Variants in CPA5 observed in about 807,000 individuals in gnomAD.
CPA5 encodes carboxypeptidase A5.
CPA5 carries 38 observed loss-of-function variants against 52.2 expected under a neutral mutation model. The ratio of observed to expected loss-of-function variants is 0.73; its 90% CI spans 0.56 to 0.95. The LOEUF (loss-of-function observed/expected upper bound fraction) is 0.95, where lower values mean the gene tolerates loss of function less well. CPA5 is among the 40% of genes least tolerant of loss of function. The pLI, the probability that CPA5 is intolerant of heterozygous loss-of-function variation, is 0.00. For missense variants in CPA5, 519 were observed against 566.7 expected (o/e 0.92, Z 0.86); for synonymous variants, 198 against 213.7 (o/e 0.93, Z 0.64).
rs536495825 is a variant in CPA5 at position 130,361,113 on chromosome 7, T to C, written c.433-30T>C. 5 of 1,434,714 alleles carry C rather than the reference T, an allele frequency of 3.5e-6. No homozygotes were observed. In the African/African-American group the frequency reaches 7.0e-5, roughly 20 times the overall value. The allele number at this position is 1,434,714 out of a possible 1,614,324, so 88.9% of individuals were successfully genotyped here. On this transcript the variant is annotated intron_variant, in intron 6 of 12. Coordinates refer to ENST00000474905, the MANE Select transcript of CPA5 (RefSeq NM_080385.5). ...GTGTTCATCCCTCTTCCTGCTTAAC[T>C]GCCAATCTTACACACTTCTTTCCTT... is the stretch of plus-strand genomic sequence containing the variant.
At chr7:130,352,074 A>C (rs1795182066) in intron 5 of CPA5, among the ~76,000 whole-genome samples, 1 of 152,154 alleles carries the variant, frequency 6.6e-6, no homozygotes, top group African/African-American at 2.4e-5. Flanking sequence ...GACATTCATT[A>C]GGAGGAGGAA....
intron 3 of CPA5, 94 bp from the exon 4 acceptor site, chr7:130,347,672 C>A: frequency 9.4e-7 from 1 of 1,066,458 alleles, no homozygotes; most frequent in Non-Finnish European, 1.4e-6. Flanking sequence ...TGGCCCTCAG[C>A]TGGGCCTCTG....
chr7:130,346,710 G>T, intron 3 of CPA5, 109 bp downstream of exon 3: 1 of 851,082 alleles, frequency 1.2e-6, no homozygotes, highest in Non-Finnish European at 1.9e-6. Context: ...GGAGAGTCAG[G>T]ATGTGGGTTC....
intron 5 of CPA5, among the ~76,000 whole-genome samples, chr7:130,356,254 C>CTTA (rs1795469892): frequency 6.6e-6 from 1 of 152,190 alleles, no homozygotes; most frequent in Non-Finnish European, 1.5e-5. Flanking sequence ...CTGCCCAACC[C>CTTA]GGGAGGACTG....
chr7:130,355,419 G>A (rs1795419851), intron 5 of CPA5, among the ~76,000 whole-genome samples: 1 of 152,054 alleles, frequency 6.6e-6, no homozygotes, highest in Non-Finnish European at 1.5e-5. Flanking sequence ...GTGTGTGTGT[G>A]TTTGTGTGAT....
chr7:130,373,042 A>G (rs1367884399), downstream of CPA5, among the ~76,000 whole-genome samples: 2 of 152,150 alleles, frequency 1.3e-5, no homozygotes, highest in Non-Finnish European at 2.9e-5. Context: ...CTCTAGTCCC[A>G]GCCCCACCAC....
At chr7:130,369,613 CTGTG>C (rs1554409663), downstream of CPA5, among the ~76,000 whole-genome samples, 1 of 151,908 alleles carries the variant, frequency 6.6e-6, no homozygotes, top group Non-Finnish European at 1.5e-5. Flanking sequence ...AAGAGCCAGG[CTGTG>C]TGTGTGTTTG....
intron 10 of CPA5, among the ~76,000 whole-genome samples, chr7:130,365,310 C>T (rs1342531637): frequency 1.3e-5 from 2 of 152,160 alleles, no homozygotes; most frequent in African/African-American, 4.8e-5. Context: ...AGTGAGTACC[C>T]ATGGATCCCA....
At chr7:130,362,184 T>A (rs921094368) in intron 7 of CPA5, among the ~76,000 whole-genome samples, 1 of 152,222 alleles carries the variant, frequency 6.6e-6, no homozygotes, top group Admixed American at 6.5e-5. Flanking sequence ...GGTCTTAAGA[T>A]ACTTTCAATC....
At position 130,347,153 on chromosome 7, in the gene CPA5, C is replaced by T. The variant is rs368364271; in HGVS notation, c.116+552C>T. On this transcript the variant is annotated intron_variant, in intron 3 of 12. Coordinates refer to ENST00000474905, the MANE Select transcript of CPA5 (RefSeq NM_080385.5). ...AGATGGGGTTCCTCACCCACGGTCT[C>T]AGAGCCAGCCTGTGAGGGCACCAAC... 3.2e-4 allele frequency among the ~76,000 whole-genome samples: 49 copies of T among 152,328 alleles called. No individual in the cohort carries two copies. In the East Asian group the frequency reaches 8.3e-3, roughly 26 times the overall value.
intron 5 of CPA5, among the ~76,000 whole-genome samples, chr7:130,350,648 G>A (rs1795078318): frequency 6.6e-6 from 1 of 152,210 alleles, no homozygotes; most frequent in Admixed American, 6.5e-5. Context: ...CATCCCCCCA[G>A]GCAGCATTCT....
Position 130,367,507 on chromosome 7 carries a change from A to C in CPA5, c.974A>C (p.Tyr325Ser), listed in dbSNP as rs373758397. 6 of 1,613,596 alleles carry C rather than the reference A, an allele frequency of 3.7e-6. No homozygotes were observed. In the African/African-American group the frequency reaches 8.0e-5, roughly 22 times the overall value. ...AAGGCTCTGATCTCCATCCACAGCT[A>C]CTCTCAGATGCTTATGTACCCTTAC... Reference protein sequence around the residue: ...NFKALISIHSYSQMLMYPYGR... With the variant: ...NFKALISIHSSSQMLMYPYGR... Residue 325 changes from tyrosine (Y) to serine (S), a missense_variant, in exon 11 of 13, where the codon TAC becomes TCC. Coordinates refer to ENST00000474905, the MANE Select transcript of CPA5 (RefSeq NM_080385.5).
intron 5 of CPA5, among the ~76,000 whole-genome samples, chr7:130,350,678 G>A (rs1795080858): frequency 6.6e-6 from 1 of 152,238 alleles, no homozygotes; most frequent in African/African-American, 2.4e-5. Flanking sequence ...ACCGCTTTGG[G>A]AGAAGCAGCT....
intron 10 of CPA5, among the ~76,000 whole-genome samples, chr7:130,364,806 G>T (rs1250113860): frequency 2.0e-5 from 3 of 152,208 alleles, no homozygotes; most frequent in Non-Finnish European, 4.4e-5. Context: ...CCCTAACCAT[G>T]CAAGGGGCAC....
Position 130,365,629 on chromosome 7 carries a change from G to A in CPA5, c.839-1743G>A, listed in dbSNP as rs567584905. Among the ~76,000 whole-genome samples, 43 of 152,372 alleles carry A rather than the reference G, an allele frequency of 2.8e-4. 1 individual carries two copies. In the South Asian group the frequency reaches 8.5e-3, roughly 30 times the overall value. ...GACTCAGAGGACCTTGACTGTGAAC[G>A]TCAGAGATGCAGGCAGCCAATTCCC... is the stretch of plus-strand genomic sequence containing the variant. On this transcript the variant is annotated intron_variant, in intron 10 of 12. Transcript: ENST00000474905.
intron 10 of CPA5, among the ~76,000 whole-genome samples, chr7:130,364,100 T>A (rs1795946514): frequency 1.3e-5 from 2 of 152,304 alleles, no homozygotes; most frequent in Middle Eastern, 3.4e-3. Flanking sequence ...TGATCATGGC[T>A]CACTGCAGCC....
chr7:130,373,207 C>G (rs1796310612), downstream of CPA5, among the ~76,000 whole-genome samples: 1 of 152,030 alleles, frequency 6.6e-6, no homozygotes, highest in Non-Finnish European at 1.5e-5. Context: ...TTTTATAAAC[C>G]CTGAACGTTT....
downstream of CPA5, among the ~76,000 whole-genome samples, chr7:130,371,574 CT>C (rs11380714): frequency 1.5e-3 from 217 of 145,382 alleles, no homozygotes; most frequent in Middle Eastern, 7.0e-3. Flanking sequence ...TGGAGGTCTT[CT>C]TTTTTTTTTT....
At chr7:130,366,727 T>C (rs542323238) in intron 10 of CPA5, among the ~76,000 whole-genome samples, 1 of 152,334 alleles carries the variant, frequency 6.6e-6, no homozygotes, top group Admixed American at 6.5e-5. Context: ...AAGCTTCAGC[T>C]GACACCGAGT....
Sources: gnomAD v4.1 joint callset for allele counts (sites outside exome capture counted in the v4.1 genomes callset) on GRCh38, gnomAD v4.1.1 for gene constraint, MANE v1.5 for transcripts, NCBI Gene and HGNC (gene_info 2026-07-23, HGNC 2026-07-21) for gene names.